Variants in CACNA2D1 observed in about 807,000 individuals in gnomAD.
CACNA2D1 encodes calcium voltage-gated channel auxiliary subunit alpha2delta 1, also known as voltage-dependent calcium channel subunit alpha-2/delta-1.
CACNA2D1 carries 53 observed loss-of-function variants against 171.5 expected under a neutral mutation model. The observed-to-expected ratio is 0.31, with a 90% CI of 0.25 to 0.39. CACNA2D1 has a LOEUF of 0.39. Ranked by LOEUF, CACNA2D1 falls within the 10% of genes least tolerant of loss-of-function variation. The probability of loss-of-function intolerance (pLI) is 1.00; values close to 1 mark genes in which losing one functional copy is unlikely to be tolerated. For missense variants in CACNA2D1, 903 were observed against 1,299.8 expected (o/e 0.69, Z 4.69); for synonymous variants, 442 against 443.1 (o/e 1.00, Z 0.03).
intron 38 of CACNA2D1, among the ~76,000 whole-genome samples, chr7:81,951,453 G>A (rs1792511021): frequency 6.6e-6 from 1 of 151,994 alleles, no homozygotes; most frequent in Non-Finnish European, 1.5e-5. Flanking sequence ...TGTCACCCAA[G>A]CAATGTACAA....
chr7:82,315,191 A>G (rs763881054), intron 3 of CACNA2D1, among the ~76,000 whole-genome samples: 26 of 152,212 alleles, frequency 1.7e-4, no homozygotes, highest in African/African-American at 3.9e-4. Context: ...AGTTGTATCA[A>G]TTGGATTTAG....
chr7:82,204,644 G>A (rs778522599), intron 3 of CACNA2D1, among the ~76,000 whole-genome samples: 1 of 152,266 alleles, frequency 6.6e-6, no homozygotes, highest in South Asian at 2.1e-4. Context: ...AGCCTAGGGA[G>A]TGGAATGTAA....
At chr7:82,338,496 G>T (rs1384717521) in intron 2 of CACNA2D1, among the ~76,000 whole-genome samples, 1 of 152,080 alleles carries the variant, frequency 6.6e-6, no homozygotes, top group Non-Finnish European at 1.5e-5. Flanking sequence ...CACCCAGCTA[G>T]ATCATTATTA....
At chr7:81,978,207 T>C (rs955650209) in intron 24 of CACNA2D1, among the ~76,000 whole-genome samples, 1 of 152,112 alleles carries the variant, frequency 6.6e-6, no homozygotes, top group Non-Finnish European at 1.5e-5. Flanking sequence ...GAACCAGAAA[T>C]GCCATTTGAC....
At chr7:82,139,906 T>C (rs949250317) in intron 4 of CACNA2D1, among the ~76,000 whole-genome samples, 1 of 151,284 alleles carries the variant, frequency 6.6e-6, no homozygotes, top group African/African-American at 2.4e-5. Flanking sequence ...TGCCTCAGCC[T>C]TCCTAGCTGG....
chr7:82,188,559 A>G (rs1285366374), intron 3 of CACNA2D1, among the ~76,000 whole-genome samples: 2 of 152,120 alleles, frequency 1.3e-5, no homozygotes, highest in Non-Finnish European at 2.9e-5. Context: ...ATGCTTATAC[A>G]CTGCTGATGG....
At chr7:82,354,492 G>A (rs1820208038) in intron 1 of CACNA2D1, among the ~76,000 whole-genome samples, 1 of 152,156 alleles carries the variant, frequency 6.6e-6, no homozygotes, top group South Asian at 2.1e-4. Context: ...AATGGAAAGA[G>A]AATGCAGATT....
At chr7:82,352,348 AT>A (rs938356916) in intron 1 of CACNA2D1, among the ~76,000 whole-genome samples, 1 of 152,176 alleles carries the variant, frequency 6.6e-6, no homozygotes, top group Non-Finnish European at 1.5e-5. Context: ...ATGAGCAAAA[AT>A]TTTTTATCAA....
chr7:82,396,294 G>C (rs1490524458), intron 1 of CACNA2D1, among the ~76,000 whole-genome samples: 3 of 151,590 alleles, frequency 2.0e-5, no homozygotes, highest in Non-Finnish European at 4.4e-5. Flanking sequence ...GACTAGCCTG[G>C]GCAACACAGC....
chr7:82,256,755 T>C (rs776608053), intron 3 of CACNA2D1, among the ~76,000 whole-genome samples: 3 of 152,212 alleles, frequency 2.0e-5, no homozygotes, highest in Non-Finnish European at 4.4e-5. Flanking sequence ...GAAGATGCTA[T>C]CATATTCTGA....
intron 10 of CACNA2D1, among the ~76,000 whole-genome samples, chr7:82,053,469 T>C (rs1342007312): frequency 6.6e-6 from 1 of 151,952 alleles, no homozygotes; most frequent in Non-Finnish European, 1.5e-5. Flanking sequence ...ATAATAAAAT[T>C]AAACAAAAGT....
intron 1 of CACNA2D1, among the ~76,000 whole-genome samples, chr7:82,369,971 T>C (rs1822198425): frequency 6.6e-6 from 1 of 152,136 alleles, no homozygotes; most frequent in African/African-American, 2.4e-5. Flanking sequence ...ATCATTTCAA[T>C]AAATGTCCCC....
Position 82,178,224 on chromosome 7 carries a change from T to C in CACNA2D1, c.295-7615A>G, listed in dbSNP as rs181772453. On this transcript the variant is annotated intron_variant, in intron 3 of 38. Coordinates refer to ENST00000356860, the MANE Select transcript of CACNA2D1 (RefSeq NM_000722.4). ...ATTTCAACCTGATCTGCCATATTCA[T>C]GAAATACTTCAAAATTAACCACAAA... Among the ~76,000 whole-genome samples, 622 of 152,270 alleles carry C rather than the reference T, an allele frequency of 4.1e-3. 2 individuals are homozygous for C. Among genetic ancestry groups the C allele is most frequent in the Non-Finnish European group, 6.5e-3 (440 of 68,004 alleles).
chr7:82,187,006 A>G lies in CACNA2D1; in HGVS notation c.295-16397T>C, dbSNP rs537325447. On this transcript the variant is annotated intron_variant, in intron 3 of 38. Coordinates refer to ENST00000356860, the MANE Select transcript of CACNA2D1 (RefSeq NM_000722.4). ...AGTATTCAGTGACTCTAGATCTCTA[A>G]ACTTCTTTTTTCCTTCCATAATGCT... 7.1e-4 allele frequency among the ~76,000 whole-genome samples: 108 copies of G among 152,312 alleles called. No homozygotes were observed. In the South Asian group the frequency reaches 0.022, roughly 31 times the overall value.
At chr7:82,126,361 T>C (rs1413594839) in intron 5 of CACNA2D1, among the ~76,000 whole-genome samples, 1 of 152,224 alleles carries the variant, frequency 6.6e-6, no homozygotes, top group Non-Finnish European at 1.5e-5. Context: ...ACATTGTCTC[T>C]ATCTTAAAAG....
intron 5 of CACNA2D1, among the ~76,000 whole-genome samples, chr7:82,122,190 C>T (rs1789819182): frequency 6.6e-6 from 1 of 151,956 alleles, no homozygotes; most frequent in Non-Finnish European, 1.5e-5. Context: ...AATATTAAAA[C>T]AAAGAATATA....
chr7:82,196,379 T>C (rs1026959192), intron 3 of CACNA2D1, among the ~76,000 whole-genome samples: 43 of 152,146 alleles, frequency 2.8e-4, no homozygotes, highest in Non-Finnish European at 5.6e-4. Context: ...CTATGGGGGA[T>C]GCTTGAAAAG....
intron 18 of CACNA2D1, among the ~76,000 whole-genome samples, chr7:81,999,803 A>G (rs1798404535): frequency 6.6e-6 from 1 of 152,234 alleles, no homozygotes; most frequent in African/African-American, 2.4e-5. Context: ...CAAGAAAGGC[A>G]TAAACATAAT....
At chr7:82,251,492 C>T (rs1805640974) in intron 3 of CACNA2D1, among the ~76,000 whole-genome samples, 1 of 152,118 alleles carries the variant, frequency 6.6e-6, no homozygotes, top group African/African-American at 2.4e-5. Context: ...TTTACATACA[C>T]ACATATATAA....
Sources: gnomAD v4.1 joint callset for allele counts (sites outside exome capture counted in the v4.1 genomes callset) on GRCh38, gnomAD v4.1.1 for gene constraint, MANE v1.5 for transcripts, NCBI Gene and HGNC (gene_info 2026-07-23, HGNC 2026-07-21) for gene names.